The following EIF3H variants were observed in gnomAD, a reference collection of about 807,000 sequenced individuals.
EIF3H encodes eukaryotic translation initiation factor 3 subunit H, also known as eIF-3-gamma.
A neutral mutation model predicts 44.2 loss-of-function variants in EIF3H; 26 were observed. The observed-to-expected ratio is 0.59, with a 90% confidence interval of 0.43 to 0.82. The LOEUF (loss-of-function observed/expected upper bound fraction) is 0.82, where lower values mean the gene tolerates loss of function less well. Among genes scored for constraint, EIF3H ranks in the 40% least tolerant of loss-of-function variants. The pLI is 0.00. For missense variants in EIF3H, 359 were observed against 432.8 expected (o/e 0.83, Z 1.51); for synonymous variants, 166 against 151.9 (o/e 1.09, Z -0.68).
chr8:116,659,092 G>A (rs557732538), intron 2 of EIF3H, 112 bp from the exon 3 acceptor site: 1 of 872,690 alleles, frequency 1.1e-6, no homozygotes, highest in African/African-American at 1.7e-5. Flanking sequence ...ATTAGCAATA[G>A]GGAACAGGAT....
chr8:116,682,481 C>T (rs1196894667), intron 2 of EIF3H, among the ~76,000 whole-genome samples: 2 of 152,164 alleles, frequency 1.3e-5, no homozygotes, highest in Admixed American at 6.5e-5. Context: ...CCTCTCAAAA[C>T]CAGATGAAAA....
intron 2 of EIF3H, among the ~76,000 whole-genome samples, chr8:116,718,378 G>A (rs536352181): frequency 8.6e-4 from 131 of 152,214 alleles, no homozygotes; most frequent in Non-Finnish European, 1.6e-3. Flanking sequence ...TATCTACCAA[G>A]AAGAAAAGAA....
chr8:116,722,666 G>GTGAAGAA (rs1202763626), intron 2 of EIF3H, among the ~76,000 whole-genome samples: 2 of 152,090 alleles, frequency 1.3e-5, no homozygotes, highest in South Asian at 4.1e-4. Context: ...TCTAACCCAA[G>GTGAAGAA]TGAAGAAGCA....
chr8:116,698,297 A>C (rs1287543407), intron 2 of EIF3H, among the ~76,000 whole-genome samples: 2 of 152,184 alleles, frequency 1.3e-5, no homozygotes, highest in Non-Finnish European at 2.9e-5. Flanking sequence ...AAGGGGCATA[A>C]GGTACAATTT....
intron 2 of EIF3H, among the ~76,000 whole-genome samples, chr8:116,665,876 A>T (rs1813656750): frequency 6.6e-6 from 1 of 152,238 alleles, no homozygotes; most frequent in African/African-American, 2.4e-5. Context: ...GGCAAACAGA[A>T]TGTGCATTTG....
intron 2 of EIF3H, among the ~76,000 whole-genome samples, chr8:116,722,084 T>C (rs1412381360): frequency 1.3e-5 from 2 of 152,146 alleles, no homozygotes. Context: ...CCAAATCTCA[T>C]CTTGAATTGT....
At chr8:116,715,254 C>T (rs1426917840) in intron 2 of EIF3H, among the ~76,000 whole-genome samples, 3 of 151,740 alleles carry the variant, frequency 2.0e-5, no homozygotes, top group African/African-American at 4.8e-5. Flanking sequence ...TGTTAACAGT[C>T]GACACTAGTA....
At chr8:116,765,958 T>C (rs1010006944) in exon 1 of EIF3H, 2 of 152,230 alleles carry the variant, frequency 1.3e-5, no homozygotes. Context: ...TTAGTTTCTA[T>C]GGTGGTGTAG....
intron 2 of EIF3H, among the ~76,000 whole-genome samples, chr8:116,691,520 T>A (rs961321431): frequency 2.7e-5 from 4 of 149,892 alleles, no homozygotes; most frequent in African/African-American, 9.8e-5. Context: ...AAATTTTGCC[T>A]CAAAATACCA....
At chr8:116,649,017 G>T in intron 5 of EIF3H, 91 bp from the exon 6 acceptor site, 1 of 1,165,620 alleles carries the variant, frequency 8.6e-7, no homozygotes, top group Admixed American at 2.8e-5. Context: ...AACTTGAACT[G>T]GCTTTTGCTA....
chr8:116,752,851 G>T (rs1815382536), intron 1 of EIF3H, among the ~76,000 whole-genome samples: 2 of 133,822 alleles, frequency 1.5e-5, no homozygotes, highest in East Asian at 4.3e-4. Context: ...GAAAAGAAAA[G>T]AAAAAAGAGA....
chr8:116,738,693 C>T (rs1356265034), intron 1 of EIF3H, among the ~76,000 whole-genome samples: 1 of 152,328 alleles, frequency 6.6e-6, no homozygotes, highest in Non-Finnish European at 1.5e-5. Context: ...AAAAGCCCTG[C>T]TAAAATAATT....
chr8:116,695,064 A>ATTCTTTTT (rs1814245411), intron 2 of EIF3H, among the ~76,000 whole-genome samples: 1 of 149,538 alleles, frequency 6.7e-6, no homozygotes, highest in African/African-American at 2.5e-5. Context: ...AAACTTCCTA[A>ATTCTTTTT]TTCTTTTTTT....
At chr8:116,650,593 C>A (rs1813372391) in intron 5 of EIF3H, among the ~76,000 whole-genome samples, 2 of 151,952 alleles carry the variant, frequency 1.3e-5, no homozygotes, top group African/African-American at 2.4e-5. Flanking sequence ...TCTGATATAC[C>A]CCACAACATG....
At chr8:116,763,989 C>A (rs1375767493) in intron 1 of EIF3H, among the ~76,000 whole-genome samples, 1 of 152,000 alleles carries the variant, frequency 6.6e-6, no homozygotes, top group Non-Finnish European at 1.5e-5. Context: ...TTGGCTTCAT[C>A]AAAATTTCAT....
At chr8:116,682,535 T>C (rs1389767714) in intron 2 of EIF3H, among the ~76,000 whole-genome samples, 3 of 152,188 alleles carry the variant, frequency 2.0e-5, no homozygotes, top group Non-Finnish European at 2.9e-5. Context: ...ACAGTTCAAA[T>C]GCCGTCACAA....
At chr8:116,661,371 A>G (rs1052031678) in intron 2 of EIF3H, among the ~76,000 whole-genome samples, 2 of 152,230 alleles carry the variant, frequency 1.3e-5, no homozygotes, top group Non-Finnish European at 2.9e-5. Flanking sequence ...TAGCTACAAT[A>G]TAAGAAGAGG....
intron 1 of EIF3H, among the ~76,000 whole-genome samples, chr8:116,755,113 C>T (rs989548033): frequency 6.6e-6 from 1 of 152,104 alleles, no homozygotes. Context: ...CTACTAAATA[C>T]ATTTAAGGCC....
chr8:116,713,060 A>T (rs1426071763), intron 2 of EIF3H, among the ~76,000 whole-genome samples: 2 of 152,136 alleles, frequency 1.3e-5, no homozygotes, highest in Non-Finnish European at 2.9e-5. Context: ...CTATTACCTT[A>T]AAGTTTAGTA....
Sources: gnomAD v4.1 joint callset for allele counts (sites outside exome capture counted in the v4.1 genomes callset) on GRCh38, gnomAD v4.1.1 for gene constraint, MANE v1.5 for transcripts, NCBI Gene and HGNC (gene_info 2026-07-23, HGNC 2026-07-21) for gene names.